The following SYNE1 variants were observed in gnomAD, a reference collection of about 807,000 sequenced individuals.
SYNE1 encodes the protein nesprin-1.
A neutral mutation model predicts 1,111.0 loss-of-function variants in SYNE1; 616 were observed. The observed-to-expected ratio is 0.55, with a 90% CI of 0.52 to 0.59. The LOEUF (loss-of-function observed/expected upper bound fraction) is 0.59, where lower values mean the gene tolerates loss of function less well. Ranked by LOEUF, SYNE1 falls within the 20% of genes least tolerant of loss-of-function variation. SYNE1 has a pLI of 0.00. For missense variants in SYNE1, 10,006 were observed against 10,417.0 expected (o/e 0.96, Z 1.72); for synonymous variants, 3,855 against 3,825.8 (o/e 1.01, Z -0.28).
chr6:152,581,364 C>T (rs772462080), intron 3 of SYNE1, among the ~76,000 whole-genome samples: 3 of 152,172 alleles, frequency 2.0e-5, no homozygotes, highest in Non-Finnish European at 4.4e-5. Flanking sequence ...CAGAGAGAGA[C>T]CAGAAGTCTC....
At chr6:152,322,465 AT>A (rs200469812) in intron 82 of SYNE1, among the ~76,000 whole-genome samples, 7,534 of 152,170 alleles carry the variant, frequency 0.05, 218 homozygotes, top group African/African-American at 0.084. Flanking sequence ...ATCAATGAAT[AT>A]TTTTTTCTCT....
chr6:152,225,868 T>C lies in SYNE1; in HGVS notation c.21204A>G (p.Glu7068=). The change falls in exon 116 of 146, where the codon GAA becomes GAG. Residue 7068 remains glutamate, a synonymous_variant. Transcript: ENST00000367255. ...QNALKDCQDL[E]DLIKAKEKEV... is the part of the protein sequence containing the mutation. ...CTTTTTCTTTTGCTTTAATCAAATCTTCCAGATCCTGAAAGATTTAAAAAA... is the reference window on the plus strand; with the variant it reads ...CTTTTTCTTTTGCTTTAATCAAATCCTCCAGATCCTGAAAGATTTAAAAAA... 6.2e-7 allele frequency: 1 copy of C among 1,613,168 alleles called. No homozygotes were observed.
In SYNE1 at chr6:152,279,716, C is replaced by CAA. The variant is rs71017531; in HGVS notation, c.18382-1438_18382-1437dup. On this transcript the variant is annotated intron_variant, in intron 97 of 145. Coordinates refer to ENST00000367255, the MANE Select transcript of SYNE1 (RefSeq NM_182961.4). The stretch of plus-strand genomic sequence containing the variant: ...TGGGTGACAAAGTGAGACCTTGTCT[C>CAA]AAAAAAAAAAAAAAAAAAAAGAATA... Among the ~76,000 whole-genome samples the CAA allele has an allele frequency of 2.3e-3, 144 of 62,854 alleles. No individual in the cohort carries two copies. The East Asian group carries it at 0.023, about 10-fold the overall frequency. The allele number at this position is 62,854 out of a possible 152,430, so 41.2% of individuals were successfully genotyped here.
At chr6:152,472,514 C>T (rs2098812460) in intron 14 of SYNE1, 101 bp from the exon 15 acceptor site, 2 of 1,069,472 alleles carry the variant, frequency 1.9e-6, no homozygotes, top group Non-Finnish European at 2.8e-6. Context: ...ATGTATTCAA[C>T]AATTTGATCC....
intron 100 of SYNE1, among the ~76,000 whole-genome samples, chr6:152,262,835 A>T (rs1314933737): frequency 6.7e-6 from 1 of 149,762 alleles, no homozygotes; most frequent in Non-Finnish European, 1.5e-5. Flanking sequence ...AGGACCTGAG[A>T]AGGTAGTAGA....
At chr6:152,266,913 C>T (rs1050189355) in intron 100 of SYNE1, among the ~76,000 whole-genome samples, 1 of 152,126 alleles carries the variant, frequency 6.6e-6, no homozygotes, top group African/African-American at 2.4e-5. Flanking sequence ...AGTTTAATTC[C>T]TATGTCGTCC....
rs1467643678 is a variant in SYNE1, at chr6:152,353,757, A to T, written c.10927-13T>A. ...CTTCGTGCCACTTCTGAAATGACAA[A>T]GTATCGAAGGGAAAGATTCAATCTT... is the stretch of plus-strand genomic sequence containing the variant. On this transcript the variant is annotated splice_polypyrimidine_tract_variant and intron_variant, in intron 67 of 145. Transcript: ENST00000367255. 16 of 1,613,526 alleles carry T rather than the reference A, an allele frequency of 9.9e-6. No individual in the cohort carries two copies. The highest frequency in any genetic ancestry group is 1.3e-5 in the Non-Finnish European group (15 of 1,180,046).
chr6:152,336,675 T>G (rs923984619), intron 76 of SYNE1, 166 bp downstream of exon 76: 1 of 873,514 alleles, frequency 1.1e-6, no homozygotes, highest in African/African-American at 1.7e-5. Flanking sequence ...CATGGACTTG[T>G]GCTTGTCCAT....
intron 95 of SYNE1, among the ~76,000 whole-genome samples, chr6:152,293,371 C>A (rs570913413): frequency 6.6e-6 from 1 of 152,280 alleles, no homozygotes; most frequent in Admixed American, 6.5e-5. Context: ...CTGCATGTCT[C>A]TCTCTCTCTC....
At chr6:152,219,412 T>C (rs2079546147) in intron 119 of SYNE1, among the ~76,000 whole-genome samples, 2 of 151,372 alleles carry the variant, frequency 1.3e-5, no homozygotes, top group Non-Finnish European at 1.5e-5. Context: ...TATGGCTATA[T>C]ATAATTACTC....
At chr6:152,591,498 C>G (rs2099565685) in intron 3 of SYNE1, among the ~76,000 whole-genome samples, 1 of 152,156 alleles carries the variant, frequency 6.6e-6, no homozygotes, top group Admixed American at 6.6e-5. Flanking sequence ...TCACCATATA[C>G]AAAAATTAAC....
chr6:152,230,504 T>G lies in SYNE1; in HGVS notation c.21195+43A>C, dbSNP rs775904939. 14 of 1,597,574 alleles carry G rather than the reference T, an allele frequency of 8.8e-6. No individual in the cohort carries two copies. The African/African-American group carries it at 1.7e-4, about 20-fold the overall frequency. ...CCTATAAACATATTAGCATACGCTA[T>G]GAAATTGTGAGATGGTGCATGTTAG... On this transcript the variant is annotated intron_variant, in intron 115 of 145. Coordinates refer to ENST00000367255, the MANE Select transcript of SYNE1 (RefSeq NM_182961.4).
chr6:152,145,938 T>C lies in SYNE1; in HGVS notation c.24976+2107A>G, dbSNP rs1468279690. The C allele has an allele frequency of 1.3e-5, 4 of 302,018 alleles. No homozygotes were observed. In the East Asian group the frequency reaches 3.3e-4, roughly 25 times the overall value. 18.7% of individuals were successfully genotyped at this position (302,018 alleles called of 1,614,324 possible). Reference sequence around the variant, plus strand: ...TACATGGGAGTCTGAGGCAGGAGGATCGCTTGAACCCGGGAGGTGGAGGTT... The same window carrying C: ...TACATGGGAGTCTGAGGCAGGAGGACCGCTTGAACCCGGGAGGTGGAGGTT... On this transcript the variant is annotated intron_variant, in intron 137 of 145. Coordinates refer to ENST00000367255, the MANE Select transcript of SYNE1 (RefSeq NM_182961.4).
Position 152,353,663 on chromosome 6 carries a change from G to C in SYNE1, c.11008C>G (p.His3670Asp). The change falls in exon 68 of 146, where the codon CAC becomes GAC. Residue 3670 changes from histidine (H) to aspartate (D), a missense_variant. By Grantham distance (81) the His-to-Asp change is moderately conservative. This residue lies in a region of SYNE1 where 4,955 missense variants were observed against 5,017.2 expected (regional missense o/e 0.99). Transcript: ENST00000367255. ...TGGCAACCCATTCTGCTGTTCACGT[G>C]GCTCTCGTCCAGTATCTCCTGAGCT... ...ARAQEILDESHVNSRMGCQAT... is the reference protein window; with the variant it reads ...ARAQEILDESDVNSRMGCQAT... 1 of 1,614,172 alleles carries C rather than the reference G, an allele frequency of 6.2e-7. No homozygotes were observed. Among genetic ancestry groups the C allele is most frequent in the South Asian group, 1.1e-5 (1 of 91,082 alleles).
chr6:152,540,173 G>A (rs2127992813), intron 3 of SYNE1, 152 bp from the exon 4 acceptor site: 1 of 776,976 alleles, frequency 1.3e-6, no homozygotes, highest in Non-Finnish European at 2.2e-6. Context: ...AAGTCAACAA[G>A]AGTCGATCTA....
intron 116 of SYNE1, among the ~76,000 whole-genome samples, chr6:152,224,946 C>T (rs111796870): frequency 1.4e-5 from 2 of 144,210 alleles, no homozygotes; most frequent in African/African-American, 5.1e-5. Flanking sequence ...CATATGTATA[C>T]ACATATATAT....
intron 104 of SYNE1, among the ~76,000 whole-genome samples, chr6:152,253,827 T>G (rs1280551350): frequency 8.9e-4 from 51 of 57,560 alleles, no homozygotes; most frequent in African/African-American, 6.2e-3. Flanking sequence ...GGTTTTTTTT[T>G]TTTTTTTTTT....
chr6:152,626,924 T>C (rs2099687021), intron 3 of SYNE1, among the ~76,000 whole-genome samples: 1 of 152,242 alleles, frequency 6.6e-6, no homozygotes, highest in Non-Finnish European at 1.5e-5. Context: ...TGGAAATTAC[T>C]GCTATGCACA....
intron 130 of SYNE1, among the ~76,000 whole-genome samples, chr6:152,169,588 T>A (rs77262502): frequency 0.041 from 887 of 21,702 alleles, no homozygotes; most frequent in Middle Eastern, 0.14. Context: ...AAAAAGGAAA[T>A]ACACCTGCCA....
Sources: gnomAD v4.1 joint callset for allele counts (sites outside exome capture counted in the v4.1 genomes callset) on GRCh38, gnomAD v4.1.1 for gene constraint, gnomAD v4.1.1 regional missense constraint, MANE v1.5 for transcripts, NCBI Gene and HGNC (gene_info 2026-07-23, HGNC 2026-07-21) for gene names.